The following ARHGAP15 variants were observed in gnomAD, a reference collection of about 807,000 sequenced individuals.
The protein encoded by ARHGAP15 is rho GTPase-activating protein 15.
ARHGAP15 carries 51 observed loss-of-function variants against 63.7 expected under a neutral mutation model. The ratio of observed to expected loss-of-function variants is 0.80; its 90% CI spans 0.64 to 1.01. ARHGAP15 has a LOEUF of 1.01. Ranked by LOEUF, ARHGAP15 falls within the 50% of genes least tolerant of loss-of-function variation. ARHGAP15 has a pLI of 0.00. For missense variants in ARHGAP15, 560 were observed against 564.6 expected, an observed-to-expected ratio of 0.99 and a Z score of 0.08; for synonymous variants, 191 against 193.8, an observed-to-expected ratio of 0.99 and a Z score of 0.12.
chr2:143,259,078 C>T (rs1680579678), intron 6 of ARHGAP15, among the ~76,000 whole-genome samples: 1 of 151,778 alleles, frequency 6.6e-6, no homozygotes, highest in Non-Finnish European at 1.5e-5. Flanking sequence ...AATTCCCATG[C>T]CCTTGATCAA....
chr2:143,662,305 C>T (rs906921302), intron 12 of ARHGAP15, among the ~76,000 whole-genome samples: 2 of 149,926 alleles, frequency 1.3e-5, no homozygotes, highest in African/African-American at 4.9e-5. Flanking sequence ...AGCAGGGGCA[C>T]ACTGACACCT....
At chr2:143,261,252 A>G (rs774633842) in intron 6 of ARHGAP15, among the ~76,000 whole-genome samples, 8 of 148,356 alleles carry the variant, frequency 5.4e-5, no homozygotes, top group Non-Finnish European at 8.9e-5. Context: ...TACATTTTAT[A>G]GTGGGGCATT....
chr2:143,630,459 G>C (rs1480938310), intron 12 of ARHGAP15, among the ~76,000 whole-genome samples: 1 of 152,018 alleles, frequency 6.6e-6, no homozygotes, highest in Non-Finnish European at 1.5e-5. Flanking sequence ...AATGGATTGG[G>C]CCCTATCACA....
chr2:143,609,722 C>T (rs1406913337), intron 11 of ARHGAP15, among the ~76,000 whole-genome samples: 2 of 152,168 alleles, frequency 1.3e-5, no homozygotes, highest in Non-Finnish European at 2.9e-5. Context: ...CTTCACTACC[C>T]TGTTCGGTAC....
At chr2:143,500,368 T>C (rs1251806780) in intron 9 of ARHGAP15, among the ~76,000 whole-genome samples, 2 of 151,996 alleles carry the variant, frequency 1.3e-5, no homozygotes, top group African/African-American at 2.4e-5. Flanking sequence ...CCATATAGTA[T>C]GTACTAATTT....
intron 4 of ARHGAP15, among the ~76,000 whole-genome samples, chr2:143,223,660 G>C (rs889288854): frequency 6.6e-6 from 1 of 152,130 alleles, no homozygotes; most frequent in Admixed American, 6.5e-5. Flanking sequence ...ACATGGCTTT[G>C]CTCCAAAGAG....
chr2:143,759,580 C>G (rs1057384216), intron 13 of ARHGAP15, among the ~76,000 whole-genome samples: 3 of 152,132 alleles, frequency 2.0e-5, no homozygotes, highest in Non-Finnish European at 4.4e-5. Flanking sequence ...TTTACCATGA[C>G]CCCTAAGTCC....
intron 6 of ARHGAP15, among the ~76,000 whole-genome samples, chr2:143,273,690 A>AT: frequency 6.6e-6 from 1 of 152,256 alleles, no homozygotes; most frequent in South Asian, 2.1e-4. Context: ...TATTTGTACA[A>AT]TTTTTTAATT....
chr2:143,742,453 A>T (rs1234550492), intron 13 of ARHGAP15, among the ~76,000 whole-genome samples: 1 of 152,246 alleles, frequency 6.6e-6, no homozygotes, highest in East Asian at 1.9e-4. Flanking sequence ...CTCCTACTAC[A>T]TTCTGGTACG....
intron 13 of ARHGAP15, among the ~76,000 whole-genome samples, chr2:143,753,773 A>T (rs1327873427): frequency 1.3e-5 from 2 of 152,216 alleles, no homozygotes; most frequent in Non-Finnish European, 2.9e-5. Flanking sequence ...CATAAAACAG[A>T]TAAAAATTAC....
intron 12 of ARHGAP15, among the ~76,000 whole-genome samples, chr2:143,666,604 A>G (rs1682203418): frequency 8.0e-6 from 1 of 125,552 alleles, no homozygotes; most frequent in Admixed American, 8.2e-5. Context: ...CTGCACAGCA[A>G]AAGAAACTAC....
chr2:143,640,320 A>AT (rs1196036072), intron 12 of ARHGAP15, among the ~76,000 whole-genome samples: 1 of 152,070 alleles, frequency 6.6e-6, no homozygotes, highest in Non-Finnish European at 1.5e-5. Context: ...CGAGAAGGTG[A>AT]ATGGCAGAGA....
At chr2:143,416,828 C>G (rs1328800786) in intron 6 of ARHGAP15, among the ~76,000 whole-genome samples, 12 of 55,054 alleles carry the variant, frequency 2.2e-4, no homozygotes, top group African/African-American at 6.9e-4. Context: ...ACCACCCCCC[C>G]ACCCCCACGC....
intron 6 of ARHGAP15, among the ~76,000 whole-genome samples, chr2:143,327,292 A>G (rs1262268517): frequency 6.6e-6 from 1 of 152,248 alleles, no homozygotes; most frequent in Admixed American, 6.5e-5. Context: ...GGATAGGAAG[A>G]ATCAATATCG....
At chr2:143,670,653 A>G (rs1682473404) in intron 12 of ARHGAP15, among the ~76,000 whole-genome samples, 2 of 152,072 alleles carry the variant, frequency 1.3e-5, no homozygotes, top group Admixed American at 1.3e-4. Flanking sequence ...ACCACCTTAG[A>G]CCAAATTTCT....
intron 6 of ARHGAP15, among the ~76,000 whole-genome samples, chr2:143,420,675 C>T (rs1206965984): frequency 6.6e-6 from 1 of 152,122 alleles, no homozygotes; most frequent in Non-Finnish European, 1.5e-5. Flanking sequence ...ATGACCCTGA[C>T]TTTTTGTGAT....
chr2:143,276,601 A>C (rs1234613108), intron 6 of ARHGAP15, among the ~76,000 whole-genome samples: 1 of 151,984 alleles, frequency 6.6e-6, no homozygotes, highest in Non-Finnish European at 1.5e-5. Flanking sequence ...CTCTCATTAC[A>C]TTTTGCATCT....
At chr2:143,507,283 C>T (rs940924348) in intron 9 of ARHGAP15, among the ~76,000 whole-genome samples, 54 of 152,156 alleles carry the variant, frequency 3.5e-4, no homozygotes, top group African/African-American at 1.3e-3. Flanking sequence ...GGATTATGAG[C>T]TGTATCTAGT....
At chr2:143,221,057 A>C (rs944372365) in intron 4 of ARHGAP15, among the ~76,000 whole-genome samples, 2 of 152,086 alleles carry the variant, frequency 1.3e-5, no homozygotes, top group Non-Finnish European at 2.9e-5. Flanking sequence ...CTCTTGCTTT[A>C]AGCTATTTGA....
Sources: allele counts gnomAD v4.1 joint callset (sites outside exome capture counted in the v4.1 genomes callset), GRCh38; gene constraint gnomAD v4.1.1; transcripts MANE v1.5; gene names NCBI Gene and HGNC (gene_info 2026-07-23, HGNC 2026-07-21).